Variants in GRIK2 observed in about 807,000 individuals in gnomAD.
The protein encoded by GRIK2 is glutamate receptor ionotropic, kainate 2.
Under a neutral mutation model 100.3 loss-of-function variants are expected in GRIK2, and 32 were observed. The observed-to-expected ratio is 0.32, with a 90% confidence interval of 0.24 to 0.43. The LOEUF (loss-of-function observed/expected upper bound fraction) is 0.43, where lower values mean the gene tolerates loss of function less well. Ranked by LOEUF, GRIK2 falls within the 20% of genes least tolerant of loss-of-function variation. The pLI is 1.00. For synonymous variants in GRIK2, 417 were observed against 389.4 expected, an observed-to-expected ratio of 1.07 and a Z score of -0.83; for missense variants, 843 against 1,114.9, an observed-to-expected ratio of 0.76 and a Z score of 3.47.
chr6:101,807,966 A>G (rs577195165), intron 9 of GRIK2, among the ~76,000 whole-genome samples: 2 of 152,192 alleles, frequency 1.3e-5, no homozygotes, highest in East Asian at 3.9e-4. Flanking sequence ...GAGGAAATAT[A>G]AAAACATCAT....
At chr6:101,915,037 G>T (rs1376508740) in intron 12 of GRIK2, among the ~76,000 whole-genome samples, 2 of 151,310 alleles carry the variant, frequency 1.3e-5, no homozygotes, top group East Asian at 3.9e-4. Flanking sequence ...TGATTTGGAA[G>T]GTAACTGAAA....
At chr6:101,475,442 A>T (rs1003998314) in intron 2 of GRIK2, among the ~76,000 whole-genome samples, 1 of 152,068 alleles carries the variant, frequency 6.6e-6, no homozygotes, top group African/African-American at 2.4e-5. Context: ...GCTAATAAAA[A>T]GTTGTTTAGT....
chr6:101,854,973 A>C (rs2128441453), intron 10 of GRIK2, among the ~76,000 whole-genome samples: 1 of 152,332 alleles, frequency 6.6e-6, no homozygotes, highest in East Asian at 1.9e-4. Context: ...ACCAAAGGAA[A>C]GATTTTATAT....
At chr6:101,442,240 G>A (rs1310586598) in intron 2 of GRIK2, among the ~76,000 whole-genome samples, 1 of 152,128 alleles carries the variant, frequency 6.6e-6, no homozygotes, top group Non-Finnish European at 1.5e-5. Context: ...ACTTTGAAGG[G>A]TGGGGAGGAT....
chr6:101,721,127 GCTT>G (rs1243351482), intron 7 of GRIK2, among the ~76,000 whole-genome samples: 1 of 151,988 alleles, frequency 6.6e-6, no homozygotes, highest in Admixed American at 6.6e-5. Flanking sequence ...TAATCAGGCA[GCTT>G]CTTCTATAGG....
At chr6:102,044,924 C>G (rs1184171796) in intron 15 of GRIK2, among the ~76,000 whole-genome samples, 2 of 152,010 alleles carry the variant, frequency 1.3e-5, no homozygotes, top group African/African-American at 2.4e-5. Flanking sequence ...TATGATCTCT[C>G]TCTTTTGGAA....
chr6:101,637,603 A>G (rs1030919580), intron 4 of GRIK2, among the ~76,000 whole-genome samples: 3 of 152,164 alleles, frequency 2.0e-5, no homozygotes, highest in Non-Finnish European at 4.4e-5. Flanking sequence ...AAATGTGTCT[A>G]CCTGACGTAG....
intron 11 of GRIK2, among the ~76,000 whole-genome samples, chr6:101,860,150 G>C (rs1371516992): frequency 6.6e-6 from 1 of 151,742 alleles, no homozygotes; most frequent in Non-Finnish European, 1.5e-5. Flanking sequence ...ATGGTTCTTG[G>C]TGGTACAATA....
intron 4 of GRIK2, among the ~76,000 whole-genome samples, chr6:101,643,701 A>T (rs1582881869): frequency 6.6e-6 from 1 of 151,386 alleles, no homozygotes; most frequent in South Asian, 2.1e-4. Flanking sequence ...TGTTTTGGCT[A>T]GTCAGGATTT....
chr6:102,011,563 T>C (rs1411601075), intron 14 of GRIK2, among the ~76,000 whole-genome samples: 2 of 146,276 alleles, frequency 1.4e-5, no homozygotes, highest in Admixed American at 7.0e-5. Context: ...TTTCTTTTTT[T>C]TTTCTTTCTT....
intron 2 of GRIK2, among the ~76,000 whole-genome samples, chr6:101,617,904 C>T (rs117110387): frequency 0.027 from 4,100 of 151,572 alleles, 77 homozygotes; most frequent in Non-Finnish European, 0.042. Context: ...ACTAATTCTA[C>T]TTATAGGATA....
chr6:101,574,465 AC>A (rs1562235995), intron 2 of GRIK2, among the ~76,000 whole-genome samples: 2 of 150,818 alleles, frequency 1.3e-5, no homozygotes, highest in African/African-American at 4.8e-5. Context: ...TAAGATTTTA[AC>A]CCTTTTTTTT....
intron 7 of GRIK2, among the ~76,000 whole-genome samples, chr6:101,754,412 G>C (rs1034719511): frequency 3.9e-5 from 6 of 152,206 alleles, no homozygotes; most frequent in African/African-American, 1.4e-4. Context: ...AAATGATTTA[G>C]GATATGGGTT....
chr6:101,900,866 A>C (rs1787801349), intron 12 of GRIK2, among the ~76,000 whole-genome samples: 1 of 151,540 alleles, frequency 6.6e-6, no homozygotes, highest in African/African-American at 2.4e-5. Flanking sequence ...GCTAGCTTCA[A>C]GTCCTTGTTG....
intron 2 of GRIK2, among the ~76,000 whole-genome samples, chr6:101,584,885 A>G (rs1298508116): frequency 6.6e-6 from 1 of 151,904 alleles, no homozygotes; most frequent in Non-Finnish European, 1.5e-5. Context: ...TTTTAGTTAC[A>G]TAATCCTCTT....
At chr6:101,768,006 G>A (rs1778143187) in intron 7 of GRIK2, among the ~76,000 whole-genome samples, 1 of 151,866 alleles carries the variant, frequency 6.6e-6, no homozygotes. Flanking sequence ...CCACAGGCAT[G>A]CGCTACCATG....
chr6:101,970,417 T>C (rs2128485662), intron 14 of GRIK2, among the ~76,000 whole-genome samples: 1 of 152,158 alleles, frequency 6.6e-6, no homozygotes, highest in East Asian at 1.9e-4. Context: ...GTACTGCTCC[T>C]TTCAGACCAG....
chr6:102,009,968 A>T (rs1021937795), intron 14 of GRIK2, among the ~76,000 whole-genome samples: 1 of 152,136 alleles, frequency 6.6e-6, no homozygotes, highest in Non-Finnish European at 1.5e-5. Context: ...GCAATATGTA[A>T]CTACAGCTTT....
intron 15 of GRIK2, among the ~76,000 whole-genome samples, chr6:102,046,582 C>A (rs1311350620): frequency 1.3e-5 from 2 of 152,102 alleles, no homozygotes; most frequent in Non-Finnish European, 2.9e-5. Flanking sequence ...TGAGGCCTCC[C>A]AGTCATGCTT....
Sources: gnomAD v4.1 joint callset for allele counts (sites outside exome capture counted in the v4.1 genomes callset) on GRCh38, gnomAD v4.1.1 for gene constraint, MANE v1.5 for transcripts, NCBI Gene and HGNC (gene_info 2026-07-23, HGNC 2026-07-21) for gene names.